ATP2C2: variants seen among roughly 807,000 people sequenced by gnomAD.
ATP2C2 encodes the protein ATPase secretory pathway Ca2+ transporting 2.
In ATP2C2, 171 loss-of-function variants were observed where a neutral mutation model predicts 110.8. The ratio of observed to expected loss-of-function variants is 1.54; its 90% CI spans 1.36 to 1.75. The LOEUF (loss-of-function observed/expected upper bound fraction) is 1.75, where lower values mean the gene tolerates loss of function less well. Among genes scored for constraint, ATP2C2 ranks in the 40% most tolerant of loss-of-function variants. The probability of loss-of-function intolerance (pLI) is 0.00; values close to 1 mark genes in which losing one functional copy is unlikely to be tolerated. For synonymous variants in ATP2C2, 804 were observed against 508.4 expected, an observed-to-expected ratio of 1.58 and a Z score of -7.82; for missense variants, 1,963 against 1,235.0, an observed-to-expected ratio of 1.59 and a Z score of -8.84.
chr16:84,459,547 T>C (rs1476119284), intron 23 of ATP2C2, 161 bp downstream of exon 23: 10 of 1,539,682 alleles, frequency 6.5e-6, no homozygotes, highest in Non-Finnish European at 8.7e-6. Flanking sequence ...GCAGTGAGAC[T>C]GGGAGTAGAA....
At chr16:84,410,998 G>A in intron 6 of ATP2C2, 2 of 567,838 alleles carry the variant, frequency 3.5e-6, no homozygotes, top group Non-Finnish European at 3.2e-6. Context: ...AAATCAGGGT[G>A]CCTAGCCTGA....
At position 84,437,733 on chromosome 16, in the gene ATP2C2, C is replaced by G. The variant is rs766721755; in HGVS notation, c.987-1433C>G. On this transcript the variant is annotated intron_variant, in intron 11 of 26. Transcript: ENST00000262429. ...GTTTCACCACGTTGTCCAGGTTGGT[C>G]TCAAACTCCTGACCTCAGGTGATCT... 2.6e-5 allele frequency among the ~76,000 whole-genome samples: 4 copies of G among 152,192 alleles called. No individual in the cohort carries two copies. The East Asian group carries it at 7.7e-4, about 29-fold the overall frequency.
chr16:84,406,701 A>G, intron 3 of ATP2C2: 1 of 961,178 alleles, frequency 1.0e-6, no homozygotes, highest in Non-Finnish European at 1.2e-6. Context: ...TGCAGGGCTG[A>G]GAAGAGGCAG....
At chr16:84,373,003 C>T (rs1910042754) in intron 1 of ATP2C2, among the ~76,000 whole-genome samples, 2 of 151,336 alleles carry the variant, frequency 1.3e-5, no homozygotes, top group Admixed American at 1.3e-4. Flanking sequence ...ACCTGTAATC[C>T]CAGCTACTGC....
chr16:84,460,345 G>A (rs959753107), intron 23 of ATP2C2: 20 of 381,026 alleles, frequency 5.2e-5, no homozygotes, highest in African/African-American at 1.5e-4. Flanking sequence ...CAGGCGCAAC[G>A]TTGGGGGGGG....
chr16:84,418,867 C>A (rs757209308), intron 7 of ATP2C2, among the ~76,000 whole-genome samples: 8 of 152,098 alleles, frequency 5.3e-5, no homozygotes, highest in Non-Finnish European at 1.0e-4. Flanking sequence ...TATGGTCTGA[C>A]CTTCTGGAGG....
At chr16:84,446,772 C>T (rs1415512590) in intron 16 of ATP2C2, among the ~76,000 whole-genome samples, 2 of 152,202 alleles carry the variant, frequency 1.3e-5, no homozygotes, top group African/African-American at 2.4e-5. Flanking sequence ...TCTGCAGATT[C>T]TGATGCAGGT....
chr16:84,461,758 G>A lies in ATP2C2; in HGVS notation c.2526G>A (p.Thr842=), dbSNP rs374219008. 126 of 1,614,188 alleles carry A rather than the reference G, an allele frequency of 7.8e-5. No individual in the cohort carries two copies. The highest frequency in any genetic ancestry group is 5.3e-4 in the African/African-American group (40 of 75,034). The change falls in exon 25 of 27, where the codon ACG becomes ACA. Residue 842 remains threonine, a synonymous_variant. Coordinates refer to ENST00000262429, the MANE Select transcript of ATP2C2 (RefSeq NM_014861.4). ...RASTPRTTTM[T]FTCFVFFDLF... is the part of the protein sequence containing the mutation. ...GCACTCCCCGCACCACGACGATGACGTTCACTTGTTTTGTGTTTTTCGATC... is the reference window on the plus strand; with the variant it reads ...GCACTCCCCGCACCACGACGATGACATTCACTTGTTTTGTGTTTTTCGATC...
At chr16:84,436,597 T>C (rs1390397327) in intron 11 of ATP2C2, among the ~76,000 whole-genome samples, 6 of 152,008 alleles carry the variant, frequency 3.9e-5, no homozygotes, top group Non-Finnish European at 8.8e-5. Context: ...TTTCTAGAAA[T>C]TGTACAGAGT....
rs374606644 is a variant in ATP2C2 at position 84,462,009 on chromosome 16, G to A, written c.2602G>A (p.Gly868Ser). 13 of 1,613,752 alleles carry A rather than the reference G, an allele frequency of 8.1e-6. No homozygotes were observed. The highest frequency in any genetic ancestry group is 2.2e-5 in the East Asian group (1 of 44,878). Reference protein sequence around the residue: ...RSQTKLIFEIGFLRNHMFLYS... With the variant: ...RSQTKLIFEISFLRNHMFLYS... ...GCAGACCAAGCTGATATTTGAGATC[G>A]GCTTTCTCAGGAACCACATGTTCCT... The change falls in exon 26 of 27, where the codon GGC (glycine) becomes AGC (serine). Residue 868 changes from glycine (G) to serine (S), a missense_variant. Gly to Ser is a moderately conservative substitution (Grantham distance 56). Transcript: ENST00000262429.
intron 17 of ATP2C2, among the ~76,000 whole-genome samples, chr16:84,450,032 C>T (rs562922620): frequency 5.3e-5 from 8 of 152,252 alleles, no homozygotes; most frequent in African/African-American, 1.4e-4. Context: ...CGCCTTCGCC[C>T]GGATGTCTGC....
chr16:84,389,715 G>A (rs1026875414), intron 1 of ATP2C2, among the ~76,000 whole-genome samples: 15 of 122,460 alleles, frequency 1.2e-4, no homozygotes, highest in African/African-American at 4.6e-4. Flanking sequence ...CACTCTCACT[G>A]TTTCCTTTTT....
At chr16:84,393,915 G>C (rs1452351217) in intron 1 of ATP2C2, among the ~76,000 whole-genome samples, 4 of 151,884 alleles carry the variant, frequency 2.6e-5, no homozygotes, top group African/African-American at 9.7e-5. Flanking sequence ...TAGCACTGTA[G>C]GGGGCCGAGG....
intron 11 of ATP2C2, among the ~76,000 whole-genome samples, chr16:84,432,806 C>T (rs547796962): frequency 6.6e-6 from 1 of 152,172 alleles, no homozygotes; most frequent in African/African-American, 2.4e-5. Flanking sequence ...CAGGTGTGAG[C>T]CACTGCGCCT....
rs375234918 is a variant in ATP2C2 at position 84,455,004 on chromosome 16, G to C, written c.2147+20G>C. ...CATCATGTAAGCTGCCCTTCTGGTTGTTTTTCAGTTGCAAAAATGCCTGGG... is the reference window on the plus strand; with the variant it reads ...CATCATGTAAGCTGCCCTTCTGGTTCTTTTTCAGTTGCAAAAATGCCTGGG... On this transcript the variant is annotated intron_variant, in intron 21 of 26. Coordinates refer to ENST00000262429, the MANE Select transcript of ATP2C2 (RefSeq NM_014861.4). The C allele has an allele frequency of 1.9e-5, 31 of 1,603,832 alleles. No individual in the cohort carries two copies. In the African/African-American group the frequency reaches 4.2e-4, roughly 22 times the overall value.
intron 3 of ATP2C2, among the ~76,000 whole-genome samples, chr16:84,405,596 A>G (rs1451214747): frequency 6.6e-6 from 1 of 152,198 alleles, no homozygotes; most frequent in Non-Finnish European, 1.5e-5. Context: ...TGCCAGGTTT[A>G]GCAAATAACA....
rs1055543809 is a variant in ATP2C2 at position 84,368,584 on chromosome 16, A to G, written c.-32A>G. ...CCATCCCGGGCCTCGCCGGGGACCT[A>G]GGGACGCAGGCAACGCCTGCGCCCG... On this transcript the variant is annotated 5_prime_UTR_variant, in exon 1 of 27. Coordinates refer to ENST00000262429, the MANE Select transcript of ATP2C2 (RefSeq NM_014861.4). 24 of 1,503,308 alleles carry G rather than the reference A, an allele frequency of 1.6e-5. No individual in the cohort carries two copies. The highest frequency in any genetic ancestry group is 2.2e-5 in the Non-Finnish European group (24 of 1,110,246). 93.1% of individuals were successfully genotyped at this position (1,503,308 alleles called of 1,614,324 possible).
rs1014079936 is a variant in ATP2C2 at position 84,409,424 on chromosome 16, A to G, written c.417+930A>G. On this transcript the variant is annotated intron_variant, in intron 4 of 26. Coordinates refer to ENST00000262429, the MANE Select transcript of ATP2C2 (RefSeq NM_014861.4). ...TGTAACAAACCTGCACGTTGTGCAC[A>G]TGTACCCTAGAACTTAAAGTATAAC... is the stretch of plus-strand genomic sequence containing the variant. Among the ~76,000 whole-genome samples the G allele has an allele frequency of 5.9e-5, 9 of 152,204 alleles. 1 individual carries two copies. The highest frequency in any genetic ancestry group is 2.0e-4 in the Admixed American group (3 of 15,280).
chr16:84,379,441 C>T (rs144636668), intron 1 of ATP2C2, among the ~76,000 whole-genome samples: 2,196 of 152,336 alleles, frequency 0.014, 45 homozygotes, highest in African/African-American at 0.05. Flanking sequence ...GTTGGGATTA[C>T]AGGCGTGAGC....
Sources: gnomAD v4.1 joint callset for allele counts (sites outside exome capture counted in the v4.1 genomes callset) on GRCh38, gnomAD v4.1.1 for gene constraint, MANE v1.5 for transcripts, NCBI Gene and HGNC (gene_info 2026-07-23, HGNC 2026-07-21) for gene names.